CRNN: variants seen among roughly 807,000 people sequenced by gnomAD.
CRNN encodes the protein 53 kDa putative calcium-binding protein.
A neutral mutation model predicts 44.7 loss-of-function variants in CRNN; 39 were observed. The observed-to-expected ratio is 0.87, with a 90% CI of 0.68 to 1.14. The LOEUF (loss-of-function observed/expected upper bound fraction) is 1.14, where lower values mean the gene tolerates loss of function less well. Ranked by LOEUF, CRNN falls within the 50% of genes most tolerant of loss-of-function variation. The pLI is 0.00. For synonymous variants in CRNN, 240 were observed against 231.8 expected, an observed-to-expected ratio of 1.04 and a Z score of -0.32; for missense variants, 606 against 605.1, an observed-to-expected ratio of 1.00 and a Z score of -0.02.
chr1:152,412,955 G>T (rs1226578540), intron 1 of CRNN, among the ~76,000 whole-genome samples: 1 of 152,186 alleles, frequency 6.6e-6, no homozygotes, highest in Non-Finnish European at 1.5e-5. Flanking sequence ...CCCTGTCTTG[G>T]ATGGGAGCCA....
In CRNN at chr1:152,409,289, A is replaced by T; in HGVS notation, c.*305T>A. 2.7e-6 allele frequency: 1 copy of T among 366,904 alleles called. No homozygotes were observed. The highest frequency in any genetic ancestry group is 4.9e-6 in the Non-Finnish European group (1 of 203,370). 22.7% of individuals were successfully genotyped at this position (366,904 alleles called of 1,614,324 possible). On this transcript the variant is annotated 3_prime_UTR_variant, in exon 3 of 3. Transcript: ENST00000271835. ...GATGCATTAGGGTAGATGGGGCAAT[A>T]GAGAGATGTCAGAGATAAAAATAGT...
Position 152,410,244 on chromosome 1 carries a change from G to T in CRNN, c.838C>A (p.Gln280Lys). ...THGQGRSQTS[Q>K]AVTGGHAQIQ... ...TGAGCATGTCCTCCTGTCACAGCCT[G>T]GCTGGTCTGGCTCCTGCCTTGACCG... is the stretch of plus-strand genomic sequence containing the variant. The change falls in exon 3 of 3, where the codon CAG (glutamine) becomes AAG (lysine). Residue 280 changes from glutamine to lysine, a missense_variant. Physicochemically the swap from Gln to Lys is moderately conservative, Grantham distance 53. Coordinates refer to ENST00000271835, the MANE Select transcript of CRNN (RefSeq NM_016190.3). 1 of 1,613,476 alleles carries T rather than the reference G, an allele frequency of 6.2e-7. No homozygotes were observed. The highest frequency in any genetic ancestry group is 8.5e-7 in the Non-Finnish European group (1 of 1,179,604).
In CRNN at chr1:152,410,756, G is replaced by T; in HGVS notation, c.326C>A (p.Ala109Asp). Residue 109 changes from alanine to aspartate, a missense_variant, in exon 3 of 3, where the codon GCC (alanine) becomes GAC (aspartate). Coordinates refer to ENST00000271835, the MANE Select transcript of CRNN (RefSeq NM_016190.3). ...SQESGSLHSG[A>D]SQELGEGQRS... ...CTGTCCTTCGCCCAGCTCCTGCGAG[G>T]CCCCAGAGTGGAGGCTTCCAGACTC... The T allele has an allele frequency of 1.9e-6, 3 of 1,614,180 alleles. No individual in the cohort carries two copies. Among genetic ancestry groups the T allele is most frequent in the Middle Eastern group, 1.7e-4 (1 of 6,060 alleles).
chr1:152,410,945 TGAG>T lies in CRNN; in HGVS notation c.139-5_139-3del. ...CACAGTTGCTGGATCGTGGGGTTTC[TGAG>T]GAGAAGATGAGGTGGAGTCAGCATC... On this transcript the variant is annotated splice_polypyrimidine_tract_variant and splice_region_variant and intron_variant, in intron 2 of 2. Transcript: ENST00000271835. 1 of 1,599,806 alleles carries T rather than the reference TGAG, an allele frequency of 6.3e-7. No individual in the cohort carries two copies. The highest frequency in any genetic ancestry group is 8.5e-7 in the Non-Finnish European group (1 of 1,173,054).
At position 152,410,405 on chromosome 1, in the gene CRNN, G is replaced by A. The variant is rs772410130; in HGVS notation, c.677C>T (p.Thr226Ile). Residue 226 changes from threonine to isoleucine, a missense_variant, in exon 3 of 3, where the codon ACT (threonine) becomes ATT (isoleucine). Physicochemically the swap from Thr to Ile is moderately conservative, Grantham distance 89 (BLOSUM62 -1). Coordinates refer to ENST00000271835, the MANE Select transcript of CRNN (RefSeq NM_016190.3). ...GGTCTGAGTTCCAGATCCAGTCACAGTCTCACCTGTCTGGTGGGCTCTGTC... is the reference window on the plus strand; with the variant it reads ...GGTCTGAGTTCCAGATCCAGTCACAATCTCACCTGTCTGGTGGGCTCTGTC... ...EQDRAHQTGETVTGSGTQTQA... is the reference protein window; with the variant it reads ...EQDRAHQTGEIVTGSGTQTQA... 18 of 1,614,044 alleles carry A rather than the reference G, an allele frequency of 1.1e-5. No individual in the cohort carries two copies. The African/African-American group carries it at 1.5e-4, about 13-fold the overall frequency.
chr1:152,411,570 G>T (rs566815020), intron 2 of CRNN, among the ~76,000 whole-genome samples: 63 of 152,312 alleles, frequency 4.1e-4, no homozygotes, highest in South Asian at 8.3e-4. Flanking sequence ...TTTGCCAGGT[G>T]GGGTGGGGTG....
Sources: gnomAD v4.1 joint callset for allele counts (sites outside exome capture counted in the v4.1 genomes callset) on GRCh38, gnomAD v4.1.1 for gene constraint, MANE v1.5 for transcripts, NCBI Gene and HGNC (gene_info 2026-07-23, HGNC 2026-07-21) for gene names.